GPHN: variants seen among roughly 807,000 people sequenced by gnomAD.
GPHN encodes gephyrin.
In GPHN, 17 loss-of-function variants were observed where a neutral mutation model predicts 95.5. The observed-to-expected ratio is 0.18, with a 90% CI of 0.12 to 0.27. The LOEUF is 0.27. Ranked by LOEUF, GPHN falls within the 10% of genes least tolerant of loss-of-function variation. The probability of loss-of-function intolerance (pLI) is 1.00; values close to 1 mark genes in which losing one functional copy is unlikely to be tolerated. For missense variants in GPHN, 660 were observed against 978.1 expected, an observed-to-expected ratio of 0.67 and a Z score of 4.34; for synonymous variants, 320 against 322.5, an observed-to-expected ratio of 0.99 and a Z score of 0.08.
At chr14:67,395,497 C>T in the GPHN span, 1 of 1,614,110 alleles carries the variant, frequency 6.2e-7, no homozygotes, top group South Asian at 1.1e-5. Context: ...CCCCGGTGAT[C>T]TCAAAGGCCC....
intron 10 of GPHN, among the ~76,000 whole-genome samples, chr14:67,035,112 T>TA (rs2074358190): frequency 6.6e-6 from 1 of 151,724 alleles, no homozygotes; most frequent in African/African-American, 2.4e-5. Context: ...AACTGGAAGA[T>TA]ACACAAATAT....
intron 1 of GPHN, among the ~76,000 whole-genome samples, chr14:66,641,865 T>A (rs1035175756): frequency 5.3e-5 from 8 of 152,056 alleles, no homozygotes; most frequent in Non-Finnish European, 1.2e-4. Flanking sequence ...AGGTTTTGGG[T>A]TTTTTAAAGT....
chr14:66,822,846 G>T (rs1198772540), intron 3 of GPHN, among the ~76,000 whole-genome samples: 1 of 152,130 alleles, frequency 6.6e-6, no homozygotes, highest in African/African-American at 2.4e-5. Context: ...GTGATCAGAG[G>T]TGAGAAAACT....
chr14:67,258,055 G>A, the GPHN span, among the ~76,000 whole-genome samples: 1 of 151,756 alleles, frequency 6.6e-6, no homozygotes. Context: ...CAATAGGTAG[G>A]TGTGGTTTTT....
chr14:66,754,420 A>G (rs2153449536), intron 2 of GPHN, among the ~76,000 whole-genome samples: 1 of 152,128 alleles, frequency 6.6e-6, no homozygotes, highest in African/African-American at 2.4e-5. Context: ...TGATAACTAT[A>G]TATAAAAGAT....
chr14:67,387,462 CA>C, the GPHN span: 1 of 1,595,662 alleles, frequency 6.3e-7, no homozygotes, highest in Non-Finnish European at 8.5e-7. Flanking sequence ...AACCCCTAGG[CA>C]GAAAAAAGGG....
chr14:67,171,759 G>C (rs528361084), intron 21 of GPHN, among the ~76,000 whole-genome samples: 54 of 152,078 alleles, frequency 3.6e-4, no homozygotes, highest in African/African-American at 1.2e-3. Flanking sequence ...AGAAACCCTG[G>C]TGAGCACAGA....
At chr14:67,427,725 C>T in the GPHN span, among the ~76,000 whole-genome samples, 3 of 152,122 alleles carry the variant, frequency 2.0e-5, no homozygotes, top group African/African-American at 7.2e-5. Context: ...CTTTCGGGGA[C>T]ACTCATACTT....
At chr14:66,684,760 T>C (rs74577867) in intron 2 of GPHN, among the ~76,000 whole-genome samples, 2 of 149,264 alleles carry the variant, frequency 1.3e-5, no homozygotes, top group African/African-American at 5.1e-5. Context: ...TTTTTTTTTT[T>C]CTTCTTATAC....
At chr14:66,832,047 C>T (rs1384238134) in intron 4 of GPHN, among the ~76,000 whole-genome samples, 2 of 151,922 alleles carry the variant, frequency 1.3e-5, no homozygotes, top group African/African-American at 2.4e-5. Context: ...CTCAGGAGGC[C>T]GAATCACGAG....
the GPHN span, chr14:67,650,525 A>C: frequency 3.3e-6 from 2 of 606,488 alleles, no homozygotes; most frequent in Non-Finnish European, 5.9e-6. Context: ...CTACTATAGC[A>C]CAACAGTGTT....
intron 10 of GPHN, among the ~76,000 whole-genome samples, chr14:67,050,733 G>C (rs969730552): frequency 5.3e-5 from 8 of 152,114 alleles, no homozygotes; most frequent in African/African-American, 1.9e-4. Context: ...CCACGTAGAA[G>C]AATGAAAACA....
the GPHN span, among the ~76,000 whole-genome samples, chr14:67,303,230 A>G: frequency 2.6e-4 from 39 of 152,362 alleles, no homozygotes; most frequent in South Asian, 8.1e-3. Context: ...AGTGCAATTT[A>G]TGATCACTTT....
the GPHN span, among the ~76,000 whole-genome samples, chr14:67,469,714 G>C: frequency 6.6e-6 from 1 of 152,056 alleles, no homozygotes; most frequent in Non-Finnish European, 1.5e-5. Flanking sequence ...ACATAAAGGG[G>C]GAGAGATTAC....
the GPHN span, among the ~76,000 whole-genome samples, chr14:67,368,171 G>T: frequency 6.6e-6 from 1 of 152,196 alleles, no homozygotes; most frequent in African/African-American, 2.4e-5. Context: ...CAGAGCTTTT[G>T]TTGGAGTTTC....
chr14:67,390,344 G>A, the GPHN span, among the ~76,000 whole-genome samples: 1 of 152,152 alleles, frequency 6.6e-6, no homozygotes. Context: ...AGGAGTCTCT[G>A]TCAGCCTACC....
chr14:66,813,058 G>C (rs1458296696), intron 3 of GPHN, among the ~76,000 whole-genome samples: 2 of 152,124 alleles, frequency 1.3e-5, no homozygotes, highest in African/African-American at 4.8e-5. Context: ...CTGACAGTCT[G>C]ATTCCTTTAT....
chr14:67,033,305 T>A (rs181806800), intron 10 of GPHN, among the ~76,000 whole-genome samples: 352 of 152,252 alleles, frequency 2.3e-3, no homozygotes, highest in African/African-American at 8.2e-3. Context: ...GGTTCACACC[T>A]GTAATCCCAA....
chr14:66,838,592 T>C (rs985840186), intron 4 of GPHN, among the ~76,000 whole-genome samples: 2 of 152,128 alleles, frequency 1.3e-5, no homozygotes, highest in Admixed American at 1.3e-4. Flanking sequence ...TTGCAAAATA[T>C]GTGCTAAGAA....
Sources: gnomAD v4.1 joint callset for allele counts (sites outside exome capture counted in the v4.1 genomes callset) on GRCh38, gnomAD v4.1.1 for gene constraint, MANE v1.5 for transcripts, NCBI Gene and HGNC (gene_info 2026-07-23, HGNC 2026-07-21) for gene names.